Variants in EIF2S3 observed in about 807,000 individuals in gnomAD.
The protein encoded by EIF2S3 is eukaryotic translation initiation factor 2 subunit 3.
A neutral mutation model predicts 31.7 loss-of-function variants in EIF2S3; 2 were observed. The observed-to-expected ratio is 0.06, with a 90% confidence interval of 0.03 to 0.20. The LOEUF (loss-of-function observed/expected upper bound fraction) is 0.20. EIF2S3 is among the 10% of genes least tolerant of loss of function. The pLI is 1.00. For synonymous variants in EIF2S3, 120 were observed against 126.7 expected (o/e 0.95, Z 0.36); for missense variants, 96 against 359.3 (o/e 0.27, Z 5.92).
chrX:24,063,595 C>T (rs895098611), intron 6 of EIF2S3, among the ~76,000 whole-genome samples: 1 of 110,608 alleles, frequency 9.0e-6, no homozygotes, highest in Admixed American at 9.8e-5. Flanking sequence ...ACCTGGGCCA[C>T]GTGGTAAAAC....
intron 10 of EIF2S3, among the ~76,000 whole-genome samples, chrX:24,072,365 G>A (rs766830461): frequency 6.1e-4 from 68 of 111,350 alleles, no homozygotes; most frequent in African/African-American, 2.1e-3. Context: ...ACTCACAGCA[G>A]CCTCGATCTC....
chrX:24,062,685 A>G, intron 6 of EIF2S3, 111 bp downstream of exon 6: 2 of 888,355 alleles, frequency 2.3e-6, no homozygotes, highest in Middle Eastern at 6.4e-4. Flanking sequence ...AGGTAAACTT[A>G]CAAGTCTTAA....
chrX:24,068,865 A>C (rs1262707927), intron 9 of EIF2S3, among the ~76,000 whole-genome samples: 1 of 111,921 alleles, frequency 8.9e-6, no homozygotes, highest in Admixed American at 9.6e-5. Context: ...TTGTGTAGCA[A>C]TTACTGAAGT....
chrX:24,062,692 T>G (rs1930510311), intron 6 of EIF2S3, 118 bp downstream of exon 6: 2 of 815,862 alleles, frequency 2.5e-6, no homozygotes, highest in Admixed American at 7.7e-5. Flanking sequence ...CTTACAAGTC[T>G]TAAGCCTTAT....
Position 24,077,411 on chromosome X carries a change from C to T in EIF2S3, c.*626C>T, listed in dbSNP as rs1255804151. Reference sequence around the variant, plus strand: ...GAAACTTTGCCACAACCAGCCTTTGCTGTAGCACACACATATATCACTGAA... The same window carrying T: ...GAAACTTTGCCACAACCAGCCTTTGTTGTAGCACACACATATATCACTGAA... On this transcript the variant is annotated 3_prime_UTR_variant, in exon 12 of 12. Transcript: ENST00000253039. 1.8e-5 allele frequency: 2 copies of T among 112,159 alleles called. No individual in the cohort carries two copies. Among genetic ancestry groups the T allele is most frequent in the African/African-American group, 6.5e-5 (2 of 30,930 alleles). The allele number at this position is 112,159 out of a possible 1,213,427, so 9.2% of individuals were successfully genotyped here.
intron 2 of EIF2S3, 62 bp downstream of exon 2, chrX:24,055,740 G>A: frequency 9.5e-7 from 1 of 1,047,508 alleles, no homozygotes; most frequent in Non-Finnish European, 1.3e-6. Context: ...CTCACTTTTT[G>A]TGTGATTACT....
At position 24,077,958 on chromosome X, in the gene EIF2S3, A is replaced by G. The variant is rs996413792; in HGVS notation, c.*1173A>G. The G allele has an allele frequency of 9.0e-5, 10 of 111,724 alleles. No individual in the cohort carries two copies. The highest frequency in any genetic ancestry group is 1.9e-4 in the Admixed American group (2 of 10,406). 9.2% of individuals were successfully genotyped at this position (111,724 alleles called of 1,213,427 possible). ...GTTTCAAAAGGTCAAGAAGTAAAAG[A>G]TGTTAGAAAGCAATGAGTGAGTCCT... On this transcript the variant is annotated 3_prime_UTR_variant, in exon 12 of 12. Transcript: ENST00000253039.
intron 10 of EIF2S3, among the ~76,000 whole-genome samples, chrX:24,072,873 C>T (rs763959810): frequency 4.4e-4 from 49 of 111,468 alleles, no homozygotes; most frequent in Non-Finnish European, 8.5e-4. Flanking sequence ...TACTCTGGTA[C>T]GGTTACTACC....
Position 24,077,675 on chromosome X carries a change from T to C in EIF2S3, c.*890T>C, listed in dbSNP as rs773100426. ...GATTACTTGTTCCCATGGACAAATATTTTTCTCCCCTTGCTCTTCCTGGCC... is the reference window on the plus strand; with the variant it reads ...GATTACTTGTTCCCATGGACAAATACTTTTCTCCCCTTGCTCTTCCTGGCC... On this transcript the variant is annotated 3_prime_UTR_variant, in exon 12 of 12. Transcript: ENST00000253039. The C allele has an allele frequency of 3.6e-5, 4 of 111,637 alleles. No homozygotes were observed. In the South Asian group the frequency reaches 1.5e-3, roughly 41 times the overall value. 9.2% of individuals were successfully genotyped at this position (111,637 alleles called of 1,213,427 possible).
chrX:24,071,233 C>T (rs1793319579), intron 9 of EIF2S3, among the ~76,000 whole-genome samples: 1 of 108,521 alleles, frequency 9.2e-6, no homozygotes, highest in Non-Finnish European at 1.9e-5. Context: ...CTCTGTCACC[C>T]AGGTTGGAGT....
chrX:24,071,796 T>C, intron 10 of EIF2S3, 69 bp downstream of exon 10: 1 of 1,066,141 alleles, frequency 9.4e-7, no homozygotes, highest in Non-Finnish European at 1.3e-6. Context: ...CAGTGTTGAG[T>C]TTTATTGTTT....
At chrX:24,073,033 C>T (rs889458446) in intron 10 of EIF2S3, 58 bp from the exon 11 acceptor site, 20 of 1,119,520 alleles carry the variant, frequency 1.8e-5, no homozygotes, top group Admixed American at 8.1e-5. Context: ...TTCTTACTTA[C>T]ATTTGGAAAG....
chrX:24,071,778 T>C (rs1240816943), intron 10 of EIF2S3, 51 bp downstream of exon 10: 1 of 1,119,748 alleles, frequency 8.9e-7, no homozygotes, highest in Non-Finnish European at 1.2e-6. Context: ...CAAATGGGAG[T>C]GTTAAACCAG....
At chrX:24,068,943 C>G (rs1341029347) in intron 9 of EIF2S3, among the ~76,000 whole-genome samples, 1 of 111,517 alleles carries the variant, frequency 9.0e-6, no homozygotes, top group Non-Finnish European at 1.9e-5. Context: ...ATGAAAGATT[C>G]AGTGAGAATT....
At chrX:24,066,219 A>G (rs1244328744) in intron 8 of EIF2S3, 127 bp downstream of exon 8, 4 of 459,644 alleles carry the variant, frequency 8.7e-6, no homozygotes, top group Non-Finnish European at 1.4e-5. Context: ...AATTTTTTCC[A>G]TGGTTTCTGG....
In EIF2S3 at chrX:24,077,896, A is replaced by G. The variant is rs1468158474; in HGVS notation, c.*1111A>G. 1 of 112,140 alleles carries G rather than the reference A, an allele frequency of 8.9e-6. No homozygotes were observed. The highest frequency in any genetic ancestry group is 3.2e-5 in the African/African-American group (1 of 30,920). The allele number at this position is 112,140 out of a possible 1,213,427, so 9.2% of individuals were successfully genotyped here. Reference sequence around the variant, plus strand: ...GTTTTTTCTTAACTGTTATATTATGATTGTGACATAGATTATACTACTACT... The same window carrying G: ...GTTTTTTCTTAACTGTTATATTATGGTTGTGACATAGATTATACTACTACT... On this transcript the variant is annotated 3_prime_UTR_variant, in exon 12 of 12. Coordinates refer to ENST00000253039, the MANE Select transcript of EIF2S3 (RefSeq NM_001415.4).
chrX:24,071,955 AACCTCC>A (rs1195096255), intron 10 of EIF2S3, among the ~76,000 whole-genome samples: 1 of 108,349 alleles, frequency 9.2e-6, no homozygotes, highest in Admixed American at 1.0e-4. Context: ...GGCTCACGGC[AACCTCC>A]ACCTCCTGGG....
At chrX:24,066,141 T>A in intron 8 of EIF2S3, 49 bp downstream of exon 8, 1 of 834,918 alleles carries the variant, frequency 1.2e-6, no homozygotes, top group Non-Finnish European at 1.7e-6. Flanking sequence ...TTTTTTGTTG[T>A]TTGTTTGTTT....
intron 8 of EIF2S3, among the ~76,000 whole-genome samples, chrX:24,067,055 G>C (rs376845403): frequency 9.0e-6 from 1 of 111,243 alleles, no homozygotes; most frequent in East Asian, 2.8e-4. Flanking sequence ...TAATTTACAT[G>C]CTCTGATAAT....
Sources: gnomAD v4.1 joint callset for allele counts (sites outside exome capture counted in the v4.1 genomes callset) on GRCh38, gnomAD v4.1.1 for gene constraint, MANE v1.5 for transcripts, NCBI Gene and HGNC (gene_info 2026-07-23, HGNC 2026-07-21) for gene names.